Variants in ARHGAP15 observed in about 807,000 individuals in gnomAD.
ARHGAP15 encodes the protein rho GTPase-activating protein 15.
Under a neutral mutation model 63.7 loss-of-function variants are expected in ARHGAP15, and 51 were observed. The observed-to-expected ratio is 0.80, with a 90% CI of 0.64 to 1.01. The LOEUF is 1.01. ARHGAP15 is among the 50% of genes least tolerant of loss of function. ARHGAP15 has a pLI of 0.00. For synonymous variants in ARHGAP15, 191 were observed against 193.8 expected, an observed-to-expected ratio of 0.99 and a Z score of 0.12; for missense variants, 560 against 564.6, an observed-to-expected ratio of 0.99 and a Z score of 0.08.
At chr2:143,761,953 T>C (rs1223198384) in intron 13 of ARHGAP15, among the ~76,000 whole-genome samples, 1 of 152,186 alleles carries the variant, frequency 6.6e-6, no homozygotes, top group African/African-American at 2.4e-5. Context: ...CTTAGTGGTA[T>C]AAGAAATGCT....
chr2:143,585,276 T>G (rs1415283868), intron 11 of ARHGAP15, among the ~76,000 whole-genome samples: 3 of 152,104 alleles, frequency 2.0e-5, no homozygotes, highest in Non-Finnish European at 4.4e-5. Context: ...ACTTAAAAAC[T>G]TGTCAAAAGA....
chr2:143,346,953 A>G (rs1685328988), intron 6 of ARHGAP15, among the ~76,000 whole-genome samples: 1 of 152,110 alleles, frequency 6.6e-6, no homozygotes, highest in South Asian at 2.1e-4. Flanking sequence ...GCTTCAGGGC[A>G]AACTAGATTC....
intron 13 of ARHGAP15, among the ~76,000 whole-genome samples, chr2:143,762,921 C>T (rs1276726536): frequency 2.6e-5 from 4 of 152,188 alleles, no homozygotes; most frequent in Non-Finnish European, 4.4e-5. Context: ...GGATCAGATC[C>T]ACCCCTCCAA....
chr2:143,494,692 C>G (rs1225755334), intron 9 of ARHGAP15, among the ~76,000 whole-genome samples: 2 of 152,126 alleles, frequency 1.3e-5, no homozygotes, highest in Admixed American at 6.5e-5. Flanking sequence ...TAGTTGTCCA[C>G]TCTTATTAAA....
chr2:143,259,710 G>A (rs1253173325), intron 6 of ARHGAP15, among the ~76,000 whole-genome samples: 1 of 152,158 alleles, frequency 6.6e-6, no homozygotes, highest in Non-Finnish European at 1.5e-5. Flanking sequence ...TCTGATGGCA[G>A]TCCTTTCTCC....
intron 13 of ARHGAP15, among the ~76,000 whole-genome samples, chr2:143,722,172 AACAC>A (rs758357420): frequency 8.0e-5 from 12 of 150,696 alleles, no homozygotes; most frequent in Middle Eastern, 3.4e-3. Context: ...CTTGAAAAGA[AACAC>A]ACACACACAC....
At chr2:143,413,966 T>TGTGTGCGCACGCGCGCGCACGC in intron 6 of ARHGAP15, among the ~76,000 whole-genome samples, 1 of 117,910 alleles carries the variant, frequency 8.5e-6, no homozygotes, top group African/African-American at 3.5e-5. Context: ...TGTGTGTGTG[T>TGTGTGCGCACGCGCGCGCACGC]GCGCGCTCTC....
intron 1 of ARHGAP15, among the ~76,000 whole-genome samples, chr2:143,136,814 A>G (rs1689160993): frequency 1.3e-5 from 2 of 152,092 alleles, no homozygotes; most frequent in South Asian, 4.1e-4. Flanking sequence ...TTTTATACTT[A>G]TAAGTGATGA....
At chr2:143,304,798 A>G (rs1683090415) in intron 6 of ARHGAP15, among the ~76,000 whole-genome samples, 1 of 152,114 alleles carries the variant, frequency 6.6e-6, no homozygotes, top group Non-Finnish European at 1.5e-5. Context: ...GCCAGTTAGA[A>G]TGGTGATCAT....
intron 6 of ARHGAP15, among the ~76,000 whole-genome samples, chr2:143,324,912 A>G (rs1033814609): frequency 6.6e-6 from 1 of 152,184 alleles, no homozygotes; most frequent in African/African-American, 2.4e-5. Flanking sequence ...TCTATGCGAC[A>G]TTAAAATGTA....
At position 143,131,702 on chromosome 2, in the gene ARHGAP15, G is replaced by A. The variant is rs1015616300; in HGVS notation, c.-15+2236G>A. Among the ~76,000 whole-genome samples, 6 of 152,004 alleles carry A rather than the reference G, an allele frequency of 3.9e-5. No homozygotes were observed. In the South Asian group the frequency reaches 1.2e-3, roughly 31 times the overall value. On this transcript the variant is annotated intron_variant, in intron 1 of 13. Coordinates refer to ENST00000295095, the MANE Select transcript of ARHGAP15 (RefSeq NM_018460.4). The stretch of plus-strand genomic sequence containing the variant: ...CACGCTTATAGGAGAAGGCTACAGA[G>A]CTTTGACTTCCTAGCCAGGCCTCCC...
intron 6 of ARHGAP15, among the ~76,000 whole-genome samples, chr2:143,292,104 T>C (rs1682430440): frequency 5.6e-5 from 1 of 17,874 alleles, no homozygotes; most frequent in Non-Finnish European, 1.4e-4. Flanking sequence ...TAAATAATAG[T>C]GGGCTTTTCT....
At chr2:143,573,958 T>C (rs1182629774) in intron 11 of ARHGAP15, among the ~76,000 whole-genome samples, 1 of 152,158 alleles carries the variant, frequency 6.6e-6, no homozygotes, top group Non-Finnish European at 1.5e-5. Context: ...GAGAAAAAAA[T>C]ATGAATTATT....
At chr2:143,470,894 ATGTG>A (rs1295754594) in intron 8 of ARHGAP15, among the ~76,000 whole-genome samples, 1 of 149,026 alleles carries the variant, frequency 6.7e-6, no homozygotes, top group Non-Finnish European at 1.5e-5. Flanking sequence ...ACGTATATTT[ATGTG>A]TGTATATATA....
At chr2:143,742,823 A>C (rs763485193) in intron 13 of ARHGAP15, among the ~76,000 whole-genome samples, 4 of 152,222 alleles carry the variant, frequency 2.6e-5, no homozygotes, top group Non-Finnish European at 5.9e-5. Context: ...TGGGAAGCCC[A>C]TGCAGCTCCC....
chr2:143,541,181 C>A (rs1298792317), intron 10 of ARHGAP15, among the ~76,000 whole-genome samples: 2 of 152,186 alleles, frequency 1.3e-5, no homozygotes, highest in Admixed American at 6.5e-5. Flanking sequence ...GTTACTGAGG[C>A]TTGTGTATTC....
intron 10 of ARHGAP15, among the ~76,000 whole-genome samples, chr2:143,521,767 A>G (rs533092418): frequency 6.3e-4 from 95 of 149,788 alleles, no homozygotes; most frequent in Admixed American, 1.6e-3. Context: ...GCTGTTATAA[A>G]AAAGATTTGT....
At position 143,228,642 on chromosome 2, in the gene ARHGAP15, T is replaced by TC; in HGVS notation, c.360dup (p.Lys121GlnfsTer25). ...TCGAAGAATTGAATTTTACAAAGAA[T>TC]CCAAGCAACAGGCTCTGTCCAATAT... On this transcript the variant is annotated frameshift_variant, in exon 5 of 14. Transcript: ENST00000295095. LOFTEE classifies it high-confidence loss of function. 6.2e-7 allele frequency: 1 copy of TC among 1,607,254 alleles called. No homozygotes were observed. The highest frequency in any genetic ancestry group is 8.5e-7 in the Non-Finnish European group (1 of 1,176,742).
At chr2:143,371,964 G>C (rs1686577171) in intron 6 of ARHGAP15, among the ~76,000 whole-genome samples, 1 of 151,616 alleles carries the variant, frequency 6.6e-6, no homozygotes. Flanking sequence ...CAACACTAAA[G>C]AACTTACTCA....
Sources: allele counts gnomAD v4.1 joint callset (sites outside exome capture counted in the v4.1 genomes callset), GRCh38; gene constraint gnomAD v4.1.1; transcripts MANE v1.5; gene names NCBI Gene and HGNC (gene_info 2026-07-23, HGNC 2026-07-21).